FSTL1: variants seen among roughly 807,000 people sequenced by gnomAD.
FSTL1 encodes the protein follistatin-related protein 1.
In FSTL1, 24 loss-of-function variants were observed where a neutral mutation model predicts 45.9. That is an observed-to-expected ratio of 0.52 (90% CI 0.38 to 0.74). The LOEUF is 0.74. Ranked by LOEUF, FSTL1 falls within the 30% of genes least tolerant of loss-of-function variation. The pLI is 0.00. For missense variants in FSTL1, 340 were observed against 381.8 expected, an observed-to-expected ratio of 0.89 and a Z score of 0.91; for synonymous variants, 120 against 137.6, an observed-to-expected ratio of 0.87 and a Z score of 0.89.
intron 5 of FSTL1, 117 bp downstream of exon 5, chr3:120,410,835 A>G (rs757324718): frequency 3.5e-6 from 3 of 861,210 alleles, no homozygotes; most frequent in Non-Finnish European, 6.1e-6. Context: ...GTTCTGGGAC[A>G]CAATTCTGAT....
At chr3:120,411,513 C>T (rs188529551) in intron 4 of FSTL1, among the ~76,000 whole-genome samples, 1 of 152,314 alleles carries the variant, frequency 6.6e-6, no homozygotes, top group East Asian at 1.9e-4. Context: ...GTGAAACTTA[C>T]CTACTTTCTA....
chr3:120,426,858 C>T lies in FSTL1; in HGVS notation c.64-10831G>A, dbSNP rs552109234. Among the ~76,000 whole-genome samples the T allele has an allele frequency of 3.3e-5, 5 of 152,268 alleles. No individual in the cohort carries two copies. The South Asian group carries it at 6.2e-4, about 19-fold the overall frequency. Reference sequence around the variant, plus strand: ...TTCATGTAGCCTCGAGATCTGTGGGCTCCTCACTTCGAGCAACCCTCCACT... The same window carrying T: ...TTCATGTAGCCTCGAGATCTGTGGGTTCCTCACTTCGAGCAACCCTCCACT... On this transcript the variant is annotated intron_variant, in intron 2 of 10. Transcript: ENST00000295633.
chr3:120,436,204 A>G (rs1937555848), intron 2 of FSTL1, among the ~76,000 whole-genome samples: 1 of 152,242 alleles, frequency 6.6e-6, no homozygotes, highest in Non-Finnish European at 1.5e-5. Flanking sequence ...CTGTAAGAGG[A>G]AGCGGTTAAC....
At chr3:120,447,209 C>T (rs1372406207) in intron 2 of FSTL1, among the ~76,000 whole-genome samples, 1 of 152,186 alleles carries the variant, frequency 6.6e-6, no homozygotes, top group Non-Finnish European at 1.5e-5. Flanking sequence ...CCATACTATG[C>T]ATCCACCATC....
intron 2 of FSTL1, among the ~76,000 whole-genome samples, chr3:120,422,199 T>C (rs1228017478): frequency 3.3e-5 from 5 of 152,244 alleles, no homozygotes; most frequent in Non-Finnish European, 1.5e-5. Flanking sequence ...ATATTAAATG[T>C]CATTTGGGGG....
At chr3:120,445,109 C>A (rs1301227670) in intron 2 of FSTL1, among the ~76,000 whole-genome samples, 1 of 149,470 alleles carries the variant, frequency 6.7e-6, no homozygotes, top group Non-Finnish European at 1.5e-5. Flanking sequence ...TTACAGTGAG[C>A]CCTGGAATAT....
At chr3:120,425,764 G>T (rs543513266) in intron 2 of FSTL1, among the ~76,000 whole-genome samples, 2 of 152,082 alleles carry the variant, frequency 1.3e-5, no homozygotes, top group African/African-American at 4.8e-5. Context: ...GGTTCTGAAG[G>T]GGGGATTAAA....
At chr3:120,411,037 T>A in intron 4 of FSTL1, 53 bp from the exon 5 acceptor site, 2 of 1,348,872 alleles carry the variant, frequency 1.5e-6, no homozygotes, top group Non-Finnish European at 2.1e-6. Flanking sequence ...AAAAAGAAAA[T>A]TTTTCTGTAT....
chr3:120,396,979 G>T lies in FSTL1; in HGVS notation c.900C>A (p.Thr300=). 1 of 1,611,654 alleles carries T rather than the reference G, an allele frequency of 6.2e-7. No individual in the cohort carries two copies. The highest frequency in any genetic ancestry group is 1.1e-5 in the South Asian group (1 of 91,024). Residue 300 remains threonine, a synonymous_variant, in exon 11 of 11, where the codon ACC becomes ACA. Coordinates refer to ENST00000295633, the MANE Select transcript of FSTL1 (RefSeq NM_007085.5). The part of the protein sequence containing the change: ...LQKHQETAEK[T]KRVSTKEI ...AGATCTCTTTGGTGCTCACTCTCTT[G>T]GTCTTTTCAGCTGTTTCCTTTGAGA...
At chr3:120,405,366 T>C (rs1576209560) in intron 6 of FSTL1, among the ~76,000 whole-genome samples, 1 of 152,228 alleles carries the variant, frequency 6.6e-6, no homozygotes, top group African/African-American at 2.4e-5. Flanking sequence ...TGAATCAGAA[T>C]CTCTGTAGCA....
In FSTL1 at chr3:120,396,026, C is replaced by G; in HGVS notation, c.*926G>C. 4.0e-6 allele frequency: 1 copy of G among 251,878 alleles called. No individual in the cohort carries two copies. Among genetic ancestry groups the G allele is most frequent in the South Asian group, 4.6e-5 (1 of 21,692 alleles). 15.6% of individuals were successfully genotyped at this position (251,878 alleles called of 1,614,324 possible). A position where few individuals can be genotyped will look rare whatever the true frequency, so the allele number is the denominator to read the frequency against. On this transcript the variant is annotated 3_prime_UTR_variant, in exon 11 of 11. Coordinates refer to ENST00000295633, the MANE Select transcript of FSTL1 (RefSeq NM_007085.5). ...TCCCCTGGCTTCGGTCTAAGGCACC[C>G]TTGCTCCTCTGGCAGATAGTGGACT...
intron 2 of FSTL1, among the ~76,000 whole-genome samples, chr3:120,436,436 G>A (rs1937560535): frequency 6.6e-6 from 1 of 152,224 alleles, no homozygotes; most frequent in South Asian, 2.1e-4. Context: ...CCTGAAGTGT[G>A]TTCCTACTGG....
At chr3:120,428,479 T>A (rs1325952901) in intron 2 of FSTL1, among the ~76,000 whole-genome samples, 1 of 152,154 alleles carries the variant, frequency 6.6e-6, no homozygotes, top group Non-Finnish European at 1.5e-5. Context: ...ATACCTGTAA[T>A]CCCAGCCCTC....
chr3:120,411,210 G>A, intron 4 of FSTL1: 1 of 453,788 alleles, frequency 2.2e-6, no homozygotes. Context: ...TACCCTTCTG[G>A]CCTCATACCT....
At chr3:120,449,946 G>A (rs983843967) in intron 2 of FSTL1, among the ~76,000 whole-genome samples, 1 of 152,110 alleles carries the variant, frequency 6.6e-6, no homozygotes, top group Admixed American at 6.5e-5. Flanking sequence ...ATAAACCTTT[G>A]AGTTAATGGA....
chr3:120,442,331 C>A (rs1228097418), intron 2 of FSTL1, among the ~76,000 whole-genome samples: 2 of 152,198 alleles, frequency 1.3e-5, no homozygotes, highest in Non-Finnish European at 2.9e-5. Flanking sequence ...TGCCCCAAAG[C>A]CCTCGCTCTT....
intron 3 of FSTL1, among the ~76,000 whole-genome samples, chr3:120,414,659 T>G (rs1417413940): frequency 6.6e-6 from 1 of 152,002 alleles, no homozygotes. Flanking sequence ...AAACTTCTTC[T>G]GCCTTGGGAT....
At chr3:120,405,864 G>T (rs572088451) in intron 6 of FSTL1, among the ~76,000 whole-genome samples, 1 of 152,326 alleles carries the variant, frequency 6.6e-6, no homozygotes, top group African/African-American at 2.4e-5. Flanking sequence ...GCATATGGCT[G>T]CTCTCCTAAC....
chr3:120,433,255 TGGGA>T, intron 2 of FSTL1, among the ~76,000 whole-genome samples: 1 of 152,360 alleles, frequency 6.6e-6, no homozygotes, highest in African/African-American at 2.4e-5. Flanking sequence ...CAACTTCACC[TGGGA>T]CTGAGAGACT....
Sources: allele counts gnomAD v4.1 joint callset (sites outside exome capture counted in the v4.1 genomes callset), GRCh38; gene constraint gnomAD v4.1.1; transcripts MANE v1.5; gene names NCBI Gene and HGNC (gene_info 2026-07-23, HGNC 2026-07-21).